SLC7A11: variants seen among roughly 807,000 people sequenced by gnomAD.
The protein encoded by SLC7A11 is solute carrier family 7 member 11.
In SLC7A11, 35 loss-of-function variants were observed where a neutral mutation model predicts 54.5. The observed-to-expected ratio is 0.64, with a 90% CI of 0.49 to 0.85. The LOEUF (loss-of-function observed/expected upper bound fraction) is 0.85. SLC7A11 is among the 40% of genes least tolerant of loss of function. The pLI is 0.00. For missense variants in SLC7A11, 583 were observed against 618.1 expected (o/e 0.94, Z 0.60); for synonymous variants, 230 against 225.2 (o/e 1.02, Z -0.19).
At chr4:138,223,535 G>A (rs4461565) in intron 3 of SLC7A11, among the ~76,000 whole-genome samples, 36,816 of 152,056 alleles carry the variant, frequency 0.24, 5,995 homozygotes, top group African/African-American at 0.46. Flanking sequence ...TATGCACATT[G>A]AAGTTTGAGA....
chr4:138,172,705 C>T (rs1736465102), intron 11 of SLC7A11, among the ~76,000 whole-genome samples: 1 of 152,118 alleles, frequency 6.6e-6, no homozygotes, highest in Admixed American at 6.6e-5. Flanking sequence ...AAGGCTGGCT[C>T]CAGTGTTCAG....
At position 138,241,992 on chromosome 4, in the gene SLC7A11, G is replaced by A. The variant is rs1738393387; in HGVS notation, c.78C>T (p.Ser26=). Reference sequence around the variant, plus strand: ...GCCCAGGTGGCTCCTTGTTGCCCAGGGAAGGCAGCCTCCCGTTAACATTTC... The same window carrying A: ...GCCCAGGTGGCTCCTTGTTGCCCAGAGAAGGCAGCCTCCCGTTAACATTTC... ...LQGNVNGRLP[S]LGNKEPPGQE... Residue 26 remains serine (S), a synonymous_variant, in exon 1 of 12, where the codon TCC becomes TCT. Transcript: ENST00000280612. The A allele has an allele frequency of 3.1e-6, 5 of 1,614,052 alleles. No individual in the cohort carries two copies. The highest frequency in any genetic ancestry group is 2.2e-5 in the South Asian group (2 of 91,088).
rs1008883718 is a variant in SLC7A11, at chr4:138,222,473, TACC to T, written c.646+723_646+725del. Among the ~76,000 whole-genome samples, 34 of 152,340 alleles carry T rather than the reference TACC, an allele frequency of 2.2e-4. 1 individual carries two copies. Among genetic ancestry groups the T allele is most frequent in the South Asian group, 4.1e-4 (2 of 4,830 alleles). ...TGCTATATTCCTGTTGCTAATTAAA[TACC>T]ACATGTGAATCTCTGTCCTCCAACA... On this transcript the variant is annotated intron_variant, in intron 4 of 11. Transcript: ENST00000280612.
intron 11 of SLC7A11, among the ~76,000 whole-genome samples, chr4:138,172,526 AT>A (rs1267427745): frequency 6.6e-6 from 1 of 152,160 alleles, no homozygotes; most frequent in Admixed American, 6.6e-5. Context: ...TAAATCAGTG[AT>A]TCTCAAAGTG....
intron 6 of SLC7A11, among the ~76,000 whole-genome samples, chr4:138,186,268 C>T (rs1319536360): frequency 6.6e-6 from 1 of 152,116 alleles, no homozygotes; most frequent in African/African-American, 2.4e-5. Context: ...TATCAGCCCT[C>T]ACGGAGCCTT....
chr4:138,228,758 C>CAAAAAAAAAAAAAAAAAAAAAAAA (rs5862371), intron 3 of SLC7A11, among the ~76,000 whole-genome samples: 1 of 67,776 alleles, frequency 1.5e-5, no homozygotes, highest in Non-Finnish European at 2.6e-5. Flanking sequence ...GACTCCGTCT[C>CAAAAAAAAAAAAAAAAAAAAAAAA]AAAAAAAAAA....
chr4:138,217,897 T>C lies in SLC7A11; in HGVS notation c.746+1369A>G, dbSNP rs560055275. 1.2e-4 allele frequency among the ~76,000 whole-genome samples: 18 copies of C among 152,344 alleles called. No homozygotes were observed. In the East Asian group the frequency reaches 1.9e-3, roughly 16 times the overall value. On this transcript the variant is annotated intron_variant, in intron 5 of 11. Transcript: ENST00000280612. ...AGTTCTTTTGATGTCTAGCACCACA[T>C]TGTGCTTCAGACAAAAGCAAAAAGA...
At position 138,225,825 on chromosome 4, in the gene SLC7A11, C is replaced by T. The variant is rs371017787; in HGVS notation, c.521-2501G>A. On this transcript the variant is annotated intron_variant, in intron 3 of 11. Coordinates refer to ENST00000280612, the MANE Select transcript of SLC7A11 (RefSeq NM_014331.4). ...TCTGTATTTATGAAAGTTCTTTCCA[C>T]AGTAGAAAAGAACTGTTATATAGAG... is the stretch of plus-strand genomic sequence containing the variant. 7.3e-4 allele frequency among the ~76,000 whole-genome samples: 110 copies of T among 151,100 alleles called. 1 individual carries two copies. The South Asian group carries it at 0.022, about 30-fold the overall frequency.
intron 6 of SLC7A11, among the ~76,000 whole-genome samples, chr4:138,188,670 G>A (rs1183794325): frequency 6.6e-6 from 1 of 152,174 alleles, no homozygotes; most frequent in Non-Finnish European, 1.5e-5. Flanking sequence ...AGCGCAGATA[G>A]CATTACTAGT....
At chr4:138,220,184 C>T (rs1248280716) in intron 4 of SLC7A11, among the ~76,000 whole-genome samples, 4 of 152,036 alleles carry the variant, frequency 2.6e-5, no homozygotes, top group South Asian at 2.1e-4. Context: ...GTGATCCGCC[C>T]GCCTCGGCCT....
At position 138,185,181 on chromosome 4, in the gene SLC7A11, A is replaced by G; in HGVS notation, c.855T>C (p.Asn285=). 1 of 1,613,006 alleles carries G rather than the reference A, an allele frequency of 6.2e-7. No individual in the cohort carries two copies. Among genetic ancestry groups the G allele is most frequent in the Non-Finnish European group, 8.5e-7 (1 of 1,179,236 alleles). The change falls in exon 7 of 12, where the codon AAT becomes AAC. Residue 285 remains asparagine, a synonymous_variant. Transcript: ENST00000280612. The part of the protein sequence containing the change: ...AIVTIGYVLT[N]VAYFTTINAE... ...CATTAATGGTCGTAAAGTAGGCCAC[A>G]TTTGTCAGCACATAGCCAATGGTGA... is the stretch of plus-strand genomic sequence containing the variant.
At position 138,179,328 on chromosome 4, in the gene SLC7A11, A is replaced by T. The variant is rs2148410825; in HGVS notation, c.1333T>A (p.Ser445Thr). 1 of 1,612,832 alleles carries T rather than the reference A, an allele frequency of 6.2e-7. No homozygotes were observed. Among genetic ancestry groups the T allele is most frequent in the East Asian group, 2.2e-5 (1 of 44,804 alleles). The change falls in exon 11 of 12, where the codon TCG becomes ACG. Residue 445 changes from serine to threonine, a missense_variant. Transcript: ENST00000280612. ...CLFMVALSLY[S>T]DPFSTGIGFV... ...CCAATCCCTGTACTAAATGGGTCCG[A>T]ATAGAGGGAAAGGGCAACCATGAAG...
At chr4:138,184,099 T>C (rs1365675860) in intron 7 of SLC7A11, among the ~76,000 whole-genome samples, 1 of 152,166 alleles carries the variant, frequency 6.6e-6, no homozygotes, top group East Asian at 1.9e-4. Context: ...GCTGGTGCTA[T>C]GCAATTAATG....
Position 138,236,361 on chromosome 4 carries a change from G to C in SLC7A11, c.368C>G (p.Ala123Gly). Residue 123 changes from alanine (A) to glycine (G), a missense_variant, in exon 2 of 12, where the codon GCT becomes GGT. Ala to Gly is a moderately conservative substitution (Grantham distance 60). Transcript: ENST00000280612. ...YILEVFGPLP[A>G]FVRVWVELLI... Reference sequence around the variant, plus strand: ...GAGTTCCACCCAGACTCGTACAAAAGCTGGTAATGGACCAAAGACTTCCAA... The same window carrying C: ...GAGTTCCACCCAGACTCGTACAAAACCTGGTAATGGACCAAAGACTTCCAA... 1.2e-6 allele frequency: 2 copies of C among 1,613,276 alleles called. No homozygotes were observed. Among genetic ancestry groups the C allele is most frequent in the Non-Finnish European group, 1.7e-6 (2 of 1,179,506 alleles).
At chr4:138,225,069 CA>C (rs936377916) in intron 3 of SLC7A11, among the ~76,000 whole-genome samples, 2 of 134,306 alleles carry the variant, frequency 1.5e-5, no homozygotes, top group Non-Finnish European at 3.2e-5. Context: ...CAGAACAAAA[CA>C]AAAAAAAGAG....
At chr4:138,210,934 A>T (rs932010292) in intron 6 of SLC7A11, among the ~76,000 whole-genome samples, 5 of 152,258 alleles carry the variant, frequency 3.3e-5, no homozygotes, top group South Asian at 2.1e-4. Flanking sequence ...TATGAAAAAG[A>T]CACATGCACT....
At position 138,198,466 on chromosome 4, in the gene SLC7A11, C is replaced by T. The variant is rs145871917; in HGVS notation, c.792-13222G>A. ...TAAAAATGCTGGAAGTATTGAGCCT[C>T]ACTGGTGATCAAATGAATGCATTTT... On this transcript the variant is annotated intron_variant, in intron 6 of 11. Coordinates refer to ENST00000280612, the MANE Select transcript of SLC7A11 (RefSeq NM_014331.4). 2.8e-3 allele frequency among the ~76,000 whole-genome samples: 428 copies of T among 152,258 alleles called. 3 individuals are homozygous for T. The highest frequency in any genetic ancestry group is 9.7e-3 in the African/African-American group (402 of 41,560).
intron 6 of SLC7A11, among the ~76,000 whole-genome samples, chr4:138,199,608 C>T (rs1168458352): frequency 6.6e-6 from 1 of 151,930 alleles, no homozygotes; most frequent in Non-Finnish European, 1.5e-5. Flanking sequence ...GTGGAGGAGG[C>T]AGGGTTAAGC....
chr4:138,176,909 A>C (rs1736584225), intron 11 of SLC7A11: 1 of 152,154 alleles, frequency 6.6e-6, no homozygotes, highest in South Asian at 2.1e-4. Context: ...TGTCTAGAAC[A>C]CAGAAAACTT....
Sources: gnomAD v4.1 joint callset for allele counts (sites outside exome capture counted in the v4.1 genomes callset) on GRCh38, gnomAD v4.1.1 for gene constraint, MANE v1.5 for transcripts, NCBI Gene and HGNC (gene_info 2026-07-23, HGNC 2026-07-21) for gene names.